The following NBPF15 variants were observed in gnomAD, a reference collection of about 807,000 sequenced individuals.
NBPF15 encodes NBPF member 15.
A neutral mutation model predicts 62.2 loss-of-function variants in NBPF15; 74 were observed. The observed-to-expected ratio is 1.19, with a 90% CI of 0.99 to 1.44. NBPF15 has a LOEUF of 1.44. Among genes scored for constraint, NBPF15 ranks in the 40% most tolerant of loss-of-function variants. The pLI, the probability that NBPF15 is intolerant of heterozygous loss-of-function variation, is 0.00. For synonymous variants in NBPF15, 244 were observed against 209.7 expected (o/e 1.16, Z -1.41); for missense variants, 790 against 550.0 (o/e 1.44, Z -4.36).
chr1:144,456,368 G>T (rs1416443660), intron 4 of NBPF15, among the ~76,000 whole-genome samples, 169 bp downstream of exon 4: 16 of 152,054 alleles, frequency 1.1e-4, no homozygotes, highest in African/African-American at 3.9e-4. Flanking sequence ...GGTGGCACAC[G>T]CTGTGAATAT....
intron 14 of NBPF15, 147 bp from the exon 15 acceptor site, chr1:144,428,804 A>T: frequency 3.2e-6 from 2 of 616,166 alleles, no homozygotes; most frequent in South Asian, 3.9e-5. Context: ...AGTAGGCCTG[A>T]GGTCAAGTCT....
At chr1:144,427,312 G>T (rs2101699670) in intron 16 of NBPF15, among the ~76,000 whole-genome samples, 1 of 128,862 alleles carries the variant, frequency 7.8e-6, no homozygotes, top group African/African-American at 3.1e-5. Flanking sequence ...TATTCTGGTA[G>T]ATCGTTATCC....
chr1:144,446,005 G>A (rs1389375051), intron 6 of NBPF15, among the ~76,000 whole-genome samples: 3 of 147,194 alleles, frequency 2.0e-5, no homozygotes, highest in Middle Eastern at 7.0e-3. Context: ...ACAGGCACAT[G>A]CCACCATGCC....
intron 15 of NBPF15, among the ~76,000 whole-genome samples, chr1:144,428,249 A>G (rs1364541406): frequency 6.6e-6 from 1 of 151,778 alleles, no homozygotes; most frequent in African/African-American, 2.4e-5. Context: ...TGACACACTG[A>G]TGAGGGAATC....
intron 6 of NBPF15, among the ~76,000 whole-genome samples, chr1:144,447,690 T>C (rs1182938558): frequency 2.6e-5 from 4 of 152,008 alleles, no homozygotes; most frequent in Non-Finnish European, 1.5e-5. Context: ...AAGTCTGTGC[T>C]CATATTCAGA....
chr1:144,444,241 A>G (rs1571146242), intron 6 of NBPF15, among the ~76,000 whole-genome samples: 1 of 149,264 alleles, frequency 6.7e-6, no homozygotes, highest in African/African-American at 2.5e-5. Flanking sequence ...TTCAGTACCG[A>G]CTGAGTGGTT....
chr1:144,427,449 C>G (rs1412390303), intron 16 of NBPF15, among the ~76,000 whole-genome samples: 2 of 149,500 alleles, frequency 1.3e-5, no homozygotes, highest in Non-Finnish European at 1.5e-5. Context: ...ATCAAATACT[C>G]AGATTGTTCA....
At chr1:144,432,792 C>G (rs1227546630) in intron 13 of NBPF15, among the ~76,000 whole-genome samples, 1 of 150,630 alleles carries the variant, frequency 6.6e-6, no homozygotes, top group Non-Finnish European at 1.5e-5. Flanking sequence ...ACAGGAGCAC[C>G]CAGATTCATA....
rs200587902 is a variant in NBPF15, at chr1:144,438,035, C to T, written c.188G>A (p.Cys63Tyr). Reference protein sequence around the residue: ...NRQKKYKYEECKDLIKFMLRN... With the variant: ...NRQKKYKYEEYKDLIKFMLRN... ...CAGCATAAATTTTATGAGATCTTTG[C>T]ACTCTTCATATTCTGAGAAAAGACA... is the stretch of plus-strand genomic sequence containing the variant. The change falls in exon 9 of 22, where the codon TGC (cysteine) becomes TAC (tyrosine). Residue 63 changes from cysteine (C) to tyrosine (Y), a missense_variant. Cys to Tyr is a radical substitution (Grantham distance 194). Transcript: ENST00000581897. 5.6e-6 allele frequency: 9 copies of T among 1,611,326 alleles called. No individual in the cohort carries two copies. Among genetic ancestry groups the T allele is most frequent in the Non-Finnish European group, 7.6e-6 (9 of 1,179,826 alleles).
chr1:144,435,110 C>T lies in NBPF15; in HGVS notation c.772+1G>A. On this transcript the variant is annotated splice_donor_variant, in intron 12 of 21. Coordinates refer to ENST00000581897, the MANE Select transcript of NBPF15 (RefSeq NM_001385408.1). LOFTEE classifies it high-confidence loss of function. ...TGAGACACAAGGAAAACAGAGGCTA[C>T]CTGGAATAATGTGTACAGCATCCTC... 6.2e-7 allele frequency: 1 copy of T among 1,612,674 alleles called. No individual in the cohort carries two copies. Among genetic ancestry groups the T allele is most frequent in the South Asian group, 1.1e-5 (1 of 91,004 alleles).
At chr1:144,455,530 T>C (rs1236881801) in intron 4 of NBPF15, among the ~76,000 whole-genome samples, 34 of 152,102 alleles carry the variant, frequency 2.2e-4, no homozygotes, top group Non-Finnish European at 4.7e-4. Context: ...TAAGTTCTGG[T>C]GCCCAAAAGA....
rs1681498249 is a variant in NBPF15, at chr1:144,439,819, T to C, written c.175+10A>G. ...CATCACTTTCATGACGGTGAGCCTA[T>C]AGATCTTACTGTATTTCTTCTGTCG... On this transcript the variant is annotated intron_variant, in intron 8 of 21. Transcript: ENST00000581897. 1.6e-5 allele frequency: 25 copies of C among 1,585,968 alleles called. 1 individual carries two copies. Among genetic ancestry groups the C allele is most frequent in the Non-Finnish European group, 1.9e-5 (22 of 1,159,904 alleles).
chr1:144,440,080 G>T, intron 7 of NBPF15, 42 bp from the exon 8 acceptor site: 1 of 1,572,624 alleles, frequency 6.4e-7, no homozygotes, highest in Non-Finnish European at 8.7e-7. Flanking sequence ...TTAAAAACTG[G>T]TGAAATCAAA....
At chr1:144,423,287 C>T (rs782024720) in intron 21 of NBPF15, 31 bp from the exon 22 acceptor site, 4 of 1,611,024 alleles carry the variant, frequency 2.5e-6, no homozygotes, top group Non-Finnish European at 3.4e-6. Context: ...AAAGAAGCAG[C>T]CAGGGAAAAT....
At chr1:144,442,353 T>C (rs1466361635) in intron 6 of NBPF15, among the ~76,000 whole-genome samples, 10 of 136,690 alleles carry the variant, frequency 7.3e-5, no homozygotes, top group Admixed American at 2.3e-4. Context: ...TATATATATA[T>C]ACACATATAT....
chr1:144,428,460 A>T (rs1671623373), intron 15 of NBPF15, 146 bp downstream of exon 15: 1 of 889,318 alleles, frequency 1.1e-6, no homozygotes, highest in Non-Finnish European at 1.9e-6. Flanking sequence ...ATTTACTCTA[A>T]TGAGAACCAA....
In NBPF15 at chr1:144,422,688, A is replaced by G; in HGVS notation, c.*325T>C. 4.0e-6 allele frequency: 2 copies of G among 496,930 alleles called. No homozygotes were observed. Among genetic ancestry groups the G allele is most frequent in the Admixed American group, 3.4e-5 (1 of 29,674 alleles). The allele number at this position is 496,930 out of a possible 1,614,324, so 30.8% of individuals were successfully genotyped here. ...GATGACAATGACCTTGAGCAGGTAT[A>G]GAAGCTCAGAGACATGCCTGCAAAA... is the stretch of plus-strand genomic sequence containing the variant. On this transcript the variant is annotated 3_prime_UTR_variant, in exon 22 of 22. Transcript: ENST00000581897.
At chr1:144,439,015 G>T (rs1176345679) in intron 8 of NBPF15, among the ~76,000 whole-genome samples, 1 of 151,140 alleles carries the variant, frequency 6.6e-6, no homozygotes, top group Non-Finnish European at 1.5e-5. Flanking sequence ...TAACAGTCTT[G>T]CCCTGTCGCC....
At chr1:144,457,276 G>C (rs1382362149) in intron 3 of NBPF15, among the ~76,000 whole-genome samples, 8 of 152,080 alleles carry the variant, frequency 5.3e-5, no homozygotes, top group African/African-American at 1.9e-4. Flanking sequence ...AATTATGAGT[G>C]TGTGGGTGTA....
Sources: allele counts gnomAD v4.1 joint callset (sites outside exome capture counted in the v4.1 genomes callset), GRCh38; gene constraint gnomAD v4.1.1; transcripts MANE v1.5; gene names NCBI Gene and HGNC (gene_info 2026-07-23, HGNC 2026-07-21).